Variants in PLXNA4 observed in about 807,000 individuals in gnomAD.
PLXNA4 encodes plexin-A4.
In PLXNA4, 44 loss-of-function variants were observed where a neutral mutation model predicts 191.8. That is an observed-to-expected ratio of 0.23 (90% CI 0.18 to 0.29). The LOEUF (loss-of-function observed/expected upper bound fraction) is 0.29. PLXNA4 is among the 10% of genes least tolerant of loss of function. The pLI is 1.00. For synonymous variants in PLXNA4, 1,082 were observed against 1,009.5 expected (o/e 1.07, Z -1.36); for missense variants, 1,800 against 2,488.8 (o/e 0.72, Z 5.89).
At chr7:132,198,142 G>A (rs970497111) in intron 13 of PLXNA4, among the ~76,000 whole-genome samples, 2 of 152,170 alleles carry the variant, frequency 1.3e-5, no homozygotes, top group African/African-American at 4.8e-5. Context: ...ATGTGAGCGG[G>A]AAGTTGAGGA....
At chr7:132,402,881 C>T (rs571399812) in intron 3 of PLXNA4, among the ~76,000 whole-genome samples, 8 of 152,250 alleles carry the variant, frequency 5.3e-5, no homozygotes, top group South Asian at 2.1e-4. Flanking sequence ...GTGCTGAGCA[C>T]GCCCACCCAT....
Position 132,123,437 on chromosome 7 carries a change from C to T in PLXNA4, c.*7042G>A, listed in dbSNP as rs1047626231. ...TAGGAATGCCTTATATTTACATACA[C>T]AGGTATACAATTAATTATAACAAAG... is the stretch of plus-strand genomic sequence containing the variant. On this transcript the variant is annotated 3_prime_UTR_variant, in exon 32 of 32. Transcript: ENST00000321063. The T allele has an allele frequency of 1.3e-5, 2 of 152,128 alleles. No homozygotes were observed. The highest frequency in any genetic ancestry group is 6.5e-5 in the Admixed American group (1 of 15,284). 9.4% of individuals were successfully genotyped at this position (152,128 alleles called of 1,614,324 possible).
At chr7:132,150,189 G>A (rs1361966849) in intron 25 of PLXNA4, among the ~76,000 whole-genome samples, 1 of 152,212 alleles carries the variant, frequency 6.6e-6, no homozygotes, top group Non-Finnish European at 1.5e-5. Flanking sequence ...GGTCTGGGGT[G>A]GTTAGACTAA....
rs979308822 is a variant in PLXNA4, at chr7:132,125,341, G to A, written c.*5138C>T. On this transcript the variant is annotated 3_prime_UTR_variant, in exon 32 of 32. Transcript: ENST00000321063. ...TGTCAAAAGTGTGGGGAAGCACCAG[G>A]AATAGCAGCAGCCATGTGAGATGCC... The A allele has an allele frequency of 6.6e-6, 1 of 152,176 alleles. No homozygotes were observed. Among genetic ancestry groups the A allele is most frequent in the African/African-American group, 2.4e-5 (1 of 41,420 alleles). 9.4% of individuals were successfully genotyped at this position (152,176 alleles called of 1,614,324 possible).
At chr7:132,547,215 C>T (rs1034224543) in intron 1 of PLXNA4, among the ~76,000 whole-genome samples, 22 of 152,162 alleles carry the variant, frequency 1.4e-4, no homozygotes, top group South Asian at 4.1e-4. Context: ...ACTTCACACA[C>T]GTCATCTCAC....
chr7:132,648,211 A>G (rs1243449439), intron 1 of PLXNA4, among the ~76,000 whole-genome samples: 1 of 152,202 alleles, frequency 6.6e-6, no homozygotes, highest in Non-Finnish European at 1.5e-5. Context: ...ATATGCATAC[A>G]CTTACACACT....
chr7:132,159,352 C>T, intron 25 of PLXNA4, 121 bp downstream of exon 25: 1 of 1,486,820 alleles, frequency 6.7e-7, no homozygotes, highest in South Asian at 1.3e-5. Context: ...TGCCTGACTC[C>T]CTCCAGCCAG....
chr7:132,498,971 C>T (rs1341766828), intron 2 of PLXNA4, among the ~76,000 whole-genome samples: 2 of 152,170 alleles, frequency 1.3e-5, no homozygotes, highest in Non-Finnish European at 2.9e-5. Flanking sequence ...TGGCCCAAGC[C>T]CACCAGATAT....
chr7:132,626,467 G>T (rs1803375463), intron 2 of PLXNA4, among the ~76,000 whole-genome samples: 1 of 152,176 alleles, frequency 6.6e-6, no homozygotes, highest in Non-Finnish European at 1.5e-5. Context: ...CATGAAGATG[G>T]ATTTTTCATG....
chr7:132,628,856 T>C (rs550454087), intron 2 of PLXNA4, among the ~76,000 whole-genome samples: 3 of 152,358 alleles, frequency 2.0e-5, no homozygotes, highest in Admixed American at 6.5e-5. Flanking sequence ...GGATATTTTT[T>C]GTTTTCCTTC....
At chr7:132,514,072 G>A (rs1798844052) in intron 1 of PLXNA4, among the ~76,000 whole-genome samples, 1 of 148,890 alleles carries the variant, frequency 6.7e-6, no homozygotes, top group South Asian at 2.1e-4. Flanking sequence ...TTTTTTTTGA[G>A]ACAGAGTCTC....
At chr7:132,471,666 G>A (rs538498483) in intron 3 of PLXNA4, among the ~76,000 whole-genome samples, 130 of 152,250 alleles carry the variant, frequency 8.5e-4, no homozygotes, top group African/African-American at 2.8e-3. Flanking sequence ...CCCTGGGACC[G>A]TTTGAGTTCC....
chr7:132,272,964 T>C (rs1800132691), intron 4 of PLXNA4, among the ~76,000 whole-genome samples: 2 of 152,214 alleles, frequency 1.3e-5, no homozygotes, highest in Admixed American at 1.3e-4. Context: ...GCATGTCAGC[T>C]TTCAATAATC....
intron 4 of PLXNA4, among the ~76,000 whole-genome samples, chr7:132,273,104 G>C (rs1800137829): frequency 6.6e-6 from 1 of 152,126 alleles, no homozygotes; most frequent in African/African-American, 2.4e-5. Context: ...GCATTTGCCT[G>C]TATGGAGCAA....
chr7:132,266,489 C>A (rs538691350), intron 4 of PLXNA4: 45 of 152,348 alleles, frequency 3.0e-4, no homozygotes, highest in African/African-American at 1.0e-3. Context: ...TGAATTGAAA[C>A]TCATCAAATG....
At chr7:132,399,918 C>CA (rs1793916672) in intron 3 of PLXNA4, among the ~76,000 whole-genome samples, 1 of 152,110 alleles carries the variant, frequency 6.6e-6, no homozygotes, top group East Asian at 1.9e-4. Flanking sequence ...GTGTAACTAA[C>CA]AATCCAATCG....
intron 10 of PLXNA4, among the ~76,000 whole-genome samples, chr7:132,205,267 T>G (rs1797576634): frequency 6.6e-6 from 1 of 152,116 alleles, no homozygotes; most frequent in Non-Finnish European, 1.5e-5. Context: ...TATGGATTCC[T>G]TCAGCAGAAT....
At chr7:132,631,773 C>T (rs1236915054) in intron 2 of PLXNA4, among the ~76,000 whole-genome samples, 1 of 152,168 alleles carries the variant, frequency 6.6e-6, no homozygotes, top group African/African-American at 2.4e-5. Context: ...TGCTACATGT[C>T]CAAGCCAATG....
At chr7:132,226,110 G>T in intron 8 of PLXNA4, 51 bp downstream of exon 8, 1 of 1,525,302 alleles carries the variant, frequency 6.6e-7, no homozygotes, top group Non-Finnish European at 9.1e-7. Flanking sequence ...CTGATCTTTG[G>T]ATGAAACTTG....
Sources: allele counts gnomAD v4.1 joint callset (sites outside exome capture counted in the v4.1 genomes callset), GRCh38; gene constraint gnomAD v4.1.1; transcripts MANE v1.5; gene names NCBI Gene and HGNC (gene_info 2026-07-23, HGNC 2026-07-21).